Variants in SIK3 observed in about 807,000 individuals in gnomAD.
SIK3 encodes SIK family kinase 3, also known as serine/threonine-protein kinase SIK3.
SIK3 carries 28 observed loss-of-function variants against 144.2 expected under a neutral mutation model. The observed-to-expected ratio is 0.19, with a 90% confidence interval of 0.14 to 0.27. SIK3 has a LOEUF of 0.27. Ranked by LOEUF, SIK3 falls within the 10% of genes least tolerant of loss-of-function variation. The pLI, the probability that SIK3 is intolerant of heterozygous loss-of-function variation, is 1.00. For missense variants in SIK3, 1,319 were observed against 1,776.0 expected (o/e 0.74, Z 4.62); for synonymous variants, 686 against 676.3 (o/e 1.01, Z -0.22).
chr11:117,057,798 C>G (rs4938330), intron 1 of SIK3, among the ~76,000 whole-genome samples: 45,814 of 152,022 alleles, frequency 0.3, 7,988 homozygotes, highest in African/African-American at 0.48. Context: ...CTATAAGATG[C>G]AGATAATTCT....
Position 116,896,501 on chromosome 11 carries a change from A to T in SIK3, c.742-125T>A, listed in dbSNP as rs1010911804. 3.7e-5 allele frequency: 37 copies of T among 999,224 alleles called. No individual in the cohort carries two copies. In the Admixed American group the frequency reaches 7.9e-4, roughly 21 times the overall value. The allele number at this position is 999,224 out of a possible 1,614,324, so 61.9% of individuals were successfully genotyped here. ...GATTATGGAACAAACTTTTTCTTCC[A>T]TCTTAGAACAGTTAACAATCTTCTT... On this transcript the variant is annotated intron_variant, in intron 5 of 24. Transcript: ENST00000445177.
At chr11:117,025,076 T>G (rs1951954600) in intron 1 of SIK3, among the ~76,000 whole-genome samples, 1 of 152,176 alleles carries the variant, frequency 6.6e-6, no homozygotes, top group African/African-American at 2.4e-5. Context: ...GGTAATAACA[T>G]GCAGTAGTTT....
intron 1 of SIK3, among the ~76,000 whole-genome samples, chr11:117,016,905 T>A (rs1422898177): frequency 2.0e-5 from 3 of 152,160 alleles, no homozygotes; most frequent in African/African-American, 7.2e-5. Context: ...AGTGGCATAT[T>A]CATGCAGTGG....
chr11:116,847,713 C>T lies in SIK3; in HGVS notation c.3820-105G>A, dbSNP rs947055315. ...GAAGGAGCCCAGGCAAAAGACAGCC[C>T]GGGGCCCCACTCCAGACTCCTTCCT... On this transcript the variant is annotated intron_variant, in intron 22 of 24. Transcript: ENST00000445177. The T allele has an allele frequency of 1.8e-5, 27 of 1,459,874 alleles. No individual in the cohort carries two copies. The African/African-American group carries it at 2.9e-4, about 16-fold the overall frequency. 90.4% of individuals were successfully genotyped at this position (1,459,874 alleles called of 1,614,324 possible). A position where few individuals can be genotyped will look rare whatever the true frequency, so the allele number is the denominator to read the frequency against.
In SIK3 at chr11:116,845,614, A is replaced by C. The variant is rs1941876737; in HGVS notation, c.*29T>G. ...GTTTACAATCAACCTTTTCATTCCC[A>C]AGCTGTACACAAAACCTGGAATAAA... On this transcript the variant is annotated 3_prime_UTR_variant, in exon 25 of 25. Coordinates refer to ENST00000445177, the MANE Select transcript of SIK3 (RefSeq NM_001366686.3). The C allele has an allele frequency of 6.6e-6, 1 of 152,262 alleles. No homozygotes were observed. Among genetic ancestry groups the C allele is most frequent in the African/African-American group, 2.4e-5 (1 of 41,472 alleles). The allele number at this position is 152,262 out of a possible 1,614,324, so 9.4% of individuals were successfully genotyped here. A position where few individuals can be genotyped will look rare whatever the true frequency, so the allele number is the denominator to read the frequency against.
intron 1 of SIK3, among the ~76,000 whole-genome samples, chr11:117,026,288 G>A (rs1182405514): frequency 2.0e-5 from 3 of 152,186 alleles, no homozygotes; most frequent in East Asian, 3.8e-4. Flanking sequence ...ATAGCCCTAG[G>A]TGGGTAGTAG....
At chr11:116,999,712 A>G (rs1950787498) in intron 1 of SIK3, among the ~76,000 whole-genome samples, 1 of 152,194 alleles carries the variant, frequency 6.6e-6, no homozygotes, top group Non-Finnish European at 1.5e-5. Flanking sequence ...GGCGTGAGCC[A>G]CTGCACCCAG....
At chr11:117,055,483 G>C (rs1406912302) in intron 1 of SIK3, among the ~76,000 whole-genome samples, 1 of 152,202 alleles carries the variant, frequency 6.6e-6, no homozygotes, top group African/African-American at 2.4e-5. Context: ...GAAAATAATG[G>C]AGCCAGATTC....
intron 1 of SIK3, among the ~76,000 whole-genome samples, chr11:117,082,413 C>T (rs915914499): frequency 4.6e-5 from 7 of 151,996 alleles, no homozygotes; most frequent in Non-Finnish European, 1.0e-4. Flanking sequence ...AAAAATGTGG[C>T]GTATCCATAC....
intron 1 of SIK3, among the ~76,000 whole-genome samples, chr11:117,045,509 T>A (rs753074898): frequency 6.6e-6 from 1 of 152,224 alleles, no homozygotes; most frequent in Non-Finnish European, 1.5e-5. Context: ...CTGTCTGTAA[T>A]CCATAAGCCA....
chr11:117,084,209 G>A (rs547924017), intron 1 of SIK3, among the ~76,000 whole-genome samples: 8 of 152,192 alleles, frequency 5.3e-5, no homozygotes, highest in African/African-American at 1.9e-4. Context: ...ACTAATAACA[G>A]CTGTCTCTTA....
intron 6 of SIK3, among the ~76,000 whole-genome samples, chr11:116,892,401 C>T (rs1945173763): frequency 2.0e-5 from 3 of 152,094 alleles, no homozygotes; most frequent in Admixed American, 6.5e-5. Context: ...AAGTTAAAAA[C>T]GACCAATAGA....
chr11:117,036,047 G>C, intron 1 of SIK3: 1 of 1,264,582 alleles, frequency 7.9e-7, no homozygotes, highest in Non-Finnish European at 1.1e-6. Flanking sequence ...CTTTGCAAGA[G>C]GCATGTTCTC....
intron 3 of SIK3, among the ~76,000 whole-genome samples, chr11:116,928,054 T>G (rs1416051175): frequency 6.6e-6 from 1 of 152,216 alleles, no homozygotes; most frequent in Non-Finnish European, 1.5e-5. Context: ...AAAAACCAAG[T>G]GAAGTTTCTA....
At chr11:116,930,853 A>G (rs1388626267) in intron 3 of SIK3, among the ~76,000 whole-genome samples, 1 of 148,894 alleles carries the variant, frequency 6.7e-6, no homozygotes, top group Non-Finnish European at 1.5e-5. Flanking sequence ...TTTTTTCACC[A>G]TCAATCAACT....
intron 1 of SIK3, among the ~76,000 whole-genome samples, chr11:117,021,998 T>C (rs965886342): frequency 2.3e-4 from 17 of 72,414 alleles, no homozygotes; most frequent in Non-Finnish European, 3.4e-5. Context: ...AAAATAAAAA[T>C]AATCCATAAA....
At chr11:116,873,732 G>A in intron 12 of SIK3, 96 bp from the exon 13 acceptor site, 1 of 1,480,216 alleles carries the variant, frequency 6.8e-7, no homozygotes, top group South Asian at 1.4e-5. Context: ...AGGGAGCCAT[G>A]GGTCATGACA....
chr11:116,881,264 G>T (rs1944532808), intron 6 of SIK3, among the ~76,000 whole-genome samples: 1 of 152,154 alleles, frequency 6.6e-6, no homozygotes, highest in Non-Finnish European at 1.5e-5. Context: ...TCCTCTGCTT[G>T]TGTGTGCCAG....
chr11:117,081,976 G>A (rs1954810011), intron 1 of SIK3, among the ~76,000 whole-genome samples: 1 of 152,096 alleles, frequency 6.6e-6, no homozygotes, highest in Non-Finnish European at 1.5e-5. Context: ...AATGGGCAAA[G>A]GATGTTAATA....
Sources: allele counts gnomAD v4.1 joint callset (sites outside exome capture counted in the v4.1 genomes callset), GRCh38; gene constraint gnomAD v4.1.1; transcripts MANE v1.5; gene names NCBI Gene and HGNC (gene_info 2026-07-23, HGNC 2026-07-21).